The following ADAMTS12 variants were observed in gnomAD, a reference collection of about 807,000 sequenced individuals.
ADAMTS12 encodes A disintegrin and metalloproteinase with thrombospondin motifs 12.
ADAMTS12 carries 118 observed loss-of-function variants against 167.8 expected under a neutral mutation model. The ratio of observed to expected loss-of-function variants is 0.70; its 90% CI spans 0.61 to 0.82. The LOEUF (loss-of-function observed/expected upper bound fraction) is 0.82. Among genes scored for constraint, ADAMTS12 ranks in the 40% least tolerant of loss-of-function variants. The pLI is 0.00. For missense variants in ADAMTS12, 1,916 were observed against 1,998.8 expected, an observed-to-expected ratio of 0.96 and a Z score of 0.79; for synonymous variants, 704 against 716.9, an observed-to-expected ratio of 0.98 and a Z score of 0.29.
intron 20 of ADAMTS12, among the ~76,000 whole-genome samples, chr5:33,552,259 T>C (rs975866248): frequency 3.3e-5 from 5 of 152,224 alleles, no homozygotes; most frequent in African/African-American, 1.2e-4. Flanking sequence ...CAGAGAAGTA[T>C]AGCACAACTA....
At chr5:33,609,076 T>C (rs1345318324) in intron 16 of ADAMTS12, among the ~76,000 whole-genome samples, 1 of 152,182 alleles carries the variant, frequency 6.6e-6, no homozygotes, top group Non-Finnish European at 1.5e-5. Flanking sequence ...TAAAATAAGG[T>C]ATTAAAATAA....
intron 6 of ADAMTS12, among the ~76,000 whole-genome samples, chr5:33,660,052 T>C (rs1226984970): frequency 4.6e-5 from 7 of 152,168 alleles, no homozygotes; most frequent in Non-Finnish European, 1.5e-5. Flanking sequence ...ATGCACAAGA[T>C]AGGCCCAACG....
At chr5:33,680,703 G>A (rs1268121313) in intron 5 of ADAMTS12, among the ~76,000 whole-genome samples, 2 of 152,166 alleles carry the variant, frequency 1.3e-5, no homozygotes, top group Non-Finnish European at 2.9e-5. Context: ...ACTCATTAGT[G>A]AGGAGACAGG....
intron 2 of ADAMTS12, among the ~76,000 whole-genome samples, chr5:33,774,502 TG>T (rs1745848166): frequency 6.6e-6 from 1 of 152,230 alleles, no homozygotes; most frequent in Non-Finnish European, 1.5e-5. Flanking sequence ...CAGAACATTG[TG>T]TAACAGGCCC....
chr5:33,729,118 T>C lies in ADAMTS12; in HGVS notation c.634+22286A>G, dbSNP rs1011911479. On this transcript the variant is annotated intron_variant, in intron 3 of 23. Transcript: ENST00000504830. ...ACTGATATTTTATATTCTTTATACATGTATGAACCTTCCAAATGTTATATT... is the reference window on the plus strand; with the variant it reads ...ACTGATATTTTATATTCTTTATACACGTATGAACCTTCCAAATGTTATATT... Among the ~76,000 whole-genome samples the C allele has an allele frequency of 3.9e-5, 6 of 152,242 alleles. No homozygotes were observed. The East Asian group carries it at 7.7e-4, about 20-fold the overall frequency.
At chr5:33,615,103 AG>A (rs1372733184) in intron 15 of ADAMTS12, among the ~76,000 whole-genome samples, 2 of 152,224 alleles carry the variant, frequency 1.3e-5, no homozygotes, top group Non-Finnish European at 2.9e-5. Flanking sequence ...CCTTAAACAT[AG>A]AGGCATTGGA....
At position 33,576,810 on chromosome 5, in the gene ADAMTS12, G is replaced by C; in HGVS notation, c.3216C>G (p.Thr1072=). The change falls in exon 19 of 24, where the codon ACC becomes ACG. Residue 1072 remains threonine (T), a synonymous_variant. Coordinates refer to ENST00000504830, the MANE Select transcript of ADAMTS12 (RefSeq NM_030955.4). The part of the protein sequence containing the change: ...LGGKQWQDSS[T]QPELSSRYLI... ...GATAGCGAGAGCTCAGCTCAGGTTG[G>C]GTTGAGCTATCTTGCCACTGTTTCC... 6.2e-7 allele frequency: 1 copy of C among 1,614,200 alleles called. No individual in the cohort carries two copies. The highest frequency in any genetic ancestry group is 8.5e-7 in the Non-Finnish European group (1 of 1,180,024).
At chr5:33,888,271 C>A (rs1750710435) in intron 1 of ADAMTS12, 1 of 152,170 alleles carries the variant, frequency 6.6e-6, no homozygotes. Context: ...GGTTTATTTT[C>A]ATAATTATCT....
intron 3 of ADAMTS12, among the ~76,000 whole-genome samples, chr5:33,721,021 A>G (rs1267895623): frequency 6.6e-6 from 1 of 152,262 alleles, no homozygotes; most frequent in Admixed American, 6.5e-5. Context: ...TGAAATAGTC[A>G]CACAATGGAA....
intron 3 of ADAMTS12, among the ~76,000 whole-genome samples, chr5:33,698,608 G>C (rs1286814286): frequency 6.6e-6 from 1 of 152,232 alleles, no homozygotes; most frequent in Non-Finnish European, 1.5e-5. Context: ...TTAGGGGTAA[G>C]AGGGCAGATA....
rs565324097 is a variant in ADAMTS12 at position 33,548,766 on chromosome 5, T to C, written c.4302+441A>G. 2.6e-5 allele frequency among the ~76,000 whole-genome samples: 4 copies of C among 151,690 alleles called. No individual in the cohort carries two copies. In the South Asian group the frequency reaches 8.3e-4, roughly 32 times the overall value. ...ACAGTGATCTGAGAGCTGTAAGAGATGAAACTCTAATATTATACTGTGTGG... is the reference window on the plus strand; with the variant it reads ...ACAGTGATCTGAGAGCTGTAAGAGACGAAACTCTAATATTATACTGTGTGG... On this transcript the variant is annotated intron_variant, in intron 21 of 23. Transcript: ENST00000504830.
chr5:33,570,198 C>G (rs1412976062), intron 19 of ADAMTS12, among the ~76,000 whole-genome samples: 1 of 152,128 alleles, frequency 6.6e-6, no homozygotes. Context: ...GAGAACTTCC[C>G]CAATCTAGCA....
chr5:33,823,203 C>A (rs1426483232), intron 2 of ADAMTS12, among the ~76,000 whole-genome samples: 4 of 152,096 alleles, frequency 2.6e-5, no homozygotes, highest in African/African-American at 9.7e-5. Context: ...TAATTATACA[C>A]AACTGAGAGC....
intron 2 of ADAMTS12, among the ~76,000 whole-genome samples, chr5:33,798,412 T>A (rs2112468390): frequency 6.6e-6 from 1 of 151,380 alleles, no homozygotes; most frequent in South Asian, 2.1e-4. Context: ...TTTCTCATGT[T>A]CCTGATGTCT....
chr5:33,561,908 T>C lies in ADAMTS12; in HGVS notation c.3973-729A>G, dbSNP rs572607097. On this transcript the variant is annotated intron_variant, in intron 19 of 23. Transcript: ENST00000504830. The stretch of plus-strand genomic sequence containing the variant: ...GTGTCTGCCCCTTGCCTCTCCTCCC[T>C]AACACTGAATGATACTATCTCACCT... 3.0e-4 allele frequency among the ~76,000 whole-genome samples: 45 copies of C among 152,290 alleles called. 1 individual carries two copies. The highest frequency in any genetic ancestry group is 2.5e-3 in the Admixed American group (39 of 15,296).
At chr5:33,841,273 C>G (rs774400988) in intron 2 of ADAMTS12, among the ~76,000 whole-genome samples, 10 of 152,210 alleles carry the variant, frequency 6.6e-5, no homozygotes, top group Admixed American at 5.2e-4. Flanking sequence ...CTCCCTCCTT[C>G]CTTTTCATCC....
At chr5:33,529,824 C>G (rs922938003) in intron 23 of ADAMTS12, among the ~76,000 whole-genome samples, 2 of 152,106 alleles carry the variant, frequency 1.3e-5, no homozygotes, top group African/African-American at 4.8e-5. Flanking sequence ...TTCAGCTTTC[C>G]TTCTTCAGGC....
At chr5:33,757,153 C>T (rs1745197443) in intron 2 of ADAMTS12, among the ~76,000 whole-genome samples, 1 of 152,178 alleles carries the variant, frequency 6.6e-6, no homozygotes, top group Non-Finnish European at 1.5e-5. Flanking sequence ...AATTTAAGCA[C>T]TTGCCTTAAA....
At chr5:33,612,081 T>C (rs1738754581) in intron 16 of ADAMTS12, among the ~76,000 whole-genome samples, 1 of 152,250 alleles carries the variant, frequency 6.6e-6, no homozygotes, top group Non-Finnish European at 1.5e-5. Context: ...ATGTGTGTCC[T>C]GTGTGAATAA....
Sources: allele counts gnomAD v4.1 joint callset (sites outside exome capture counted in the v4.1 genomes callset), GRCh38; gene constraint gnomAD v4.1.1; transcripts MANE v1.5; gene names NCBI Gene and HGNC (gene_info 2026-07-23, HGNC 2026-07-21).